PCYT1B: variants seen among roughly 807,000 people sequenced by gnomAD.
PCYT1B encodes the protein choline-phosphate cytidylyltransferase B.
A neutral mutation model predicts 26.4 loss-of-function variants in PCYT1B; 10 were observed. The observed-to-expected ratio is 0.38, with a 90% CI of 0.23 to 0.64. PCYT1B has a LOEUF of 0.64. Among genes scored for constraint, PCYT1B ranks in the 30% least tolerant of loss-of-function variants. The probability of loss-of-function intolerance (pLI) is 0.56; values close to 1 mark genes in which losing one functional copy is unlikely to be tolerated. For missense variants in PCYT1B, 161 were observed against 292.7 expected (o/e 0.55, Z 3.28); for synonymous variants, 131 against 108.4 (o/e 1.21, Z -1.29).
intron 1 of PCYT1B, among the ~76,000 whole-genome samples, chrX:24,639,301 C>A (rs1346579439): frequency 8.9e-6 from 1 of 112,336 alleles, no homozygotes; most frequent in Non-Finnish European, 1.9e-5. Flanking sequence ...TGCTTAAGTG[C>A]ACACAATAAT....
At chrX:24,596,007 T>C (rs1924766776) in intron 3 of PCYT1B, among the ~76,000 whole-genome samples, 1 of 112,468 alleles carries the variant, frequency 8.9e-6, no homozygotes, top group Admixed American at 9.4e-5. Flanking sequence ...GTAATCTTTA[T>C]GTCTTCTATA....
chrX:24,640,831 C>T lies in PCYT1B; in HGVS notation c.117+6158G>A, dbSNP rs1368684631. Among the ~76,000 whole-genome samples, 3 of 111,774 alleles carry T rather than the reference C, an allele frequency of 2.7e-5. No homozygotes were observed. The Admixed American group carries it at 2.9e-4, about 11-fold the overall frequency. ...CTAGACACCTCCAAGTGGAAGTCCC[C>T]ATGGCACCTCAGACATAACTCTCAC... is the stretch of plus-strand genomic sequence containing the variant. On this transcript the variant is annotated intron_variant, in intron 1 of 7. Transcript: ENST00000379144.
Position 24,560,003 on chromosome X carries a change from A to G in PCYT1B, c.*2290T>C, listed in dbSNP as rs1923347525. The G allele has an allele frequency of 8.9e-6, 1 of 112,067 alleles. No individual in the cohort carries two copies. The highest frequency in any genetic ancestry group is 3.7e-4 in the South Asian group (1 of 2,674). The allele number at this position is 112,067 out of a possible 1,213,427, so 9.2% of individuals were successfully genotyped here. ...GCATTAGTTATTTCCCATAATTGGCAGCAATGGTGACATTATCTGATGAGT... is the reference window on the plus strand; with the variant it reads ...GCATTAGTTATTTCCCATAATTGGCGGCAATGGTGACATTATCTGATGAGT... On this transcript the variant is annotated 3_prime_UTR_variant, in exon 8 of 8. Transcript: ENST00000379144.
intron 1 of PCYT1B, among the ~76,000 whole-genome samples, chrX:24,642,793 A>G (rs1463278012): frequency 8.9e-6 from 1 of 111,952 alleles, no homozygotes; most frequent in African/African-American, 3.2e-5. Context: ...GGCTAAGTAG[A>G]TGGCAATATT....
chrX:24,562,296 C>T lies in PCYT1B; in HGVS notation c.1107G>A (p.Lys369=), dbSNP rs1265634792. Residue 369 remains lysine, a synonymous_variant, in exon 8 of 8, where the codon AAG becomes AAA. Transcript: ENST00000379144. ...SSMSEGDEDE[K] Reference sequence around the variant, plus strand: ...GGCTCTTGCCTCCCAGCAGCCTCTACTTTTCATCCTCATCCCCCTCGCTCA... The same window carrying T: ...GGCTCTTGCCTCCCAGCAGCCTCTATTTTTCATCCTCATCCCCCTCGCTCA... 1.1e-5 allele frequency: 13 copies of T among 1,155,554 alleles called. No homozygotes were observed. The highest frequency in any genetic ancestry group is 4.2e-5 in the South Asian group (2 of 47,762).
chrX:24,581,621 T>A (rs1924208906), intron 5 of PCYT1B, among the ~76,000 whole-genome samples: 1 of 112,464 alleles, frequency 8.9e-6, no homozygotes, highest in Admixed American at 9.4e-5. Flanking sequence ...AAGATCTTTA[T>A]AAAATAACTT....
At chrX:24,618,929 T>A (rs1403143802) in intron 2 of PCYT1B, 56 bp downstream of exon 2, 15 of 826,643 alleles carry the variant, frequency 1.8e-5, no homozygotes, top group Non-Finnish European at 1.0e-5. Flanking sequence ...GGCCCCTTTC[T>A]GATACTTTAA....
chrX:24,638,538 A>T lies in PCYT1B; in HGVS notation c.117+8451T>A, dbSNP rs144368366. ...CTGTTACCTGGGAGATTATTGGAAG[A>T]AAATAGGCCTAGCTTGCAATGACTT... On this transcript the variant is annotated intron_variant, in intron 1 of 7. Transcript: ENST00000379144. Among the ~76,000 whole-genome samples the T allele has an allele frequency of 1.8e-3, 207 of 112,151 alleles. 1 individual carries two copies. The highest frequency in any genetic ancestry group is 6.5e-3 in the African/African-American group (202 of 30,943).
At chrX:24,624,631 A>C (rs1925830321) in intron 1 of PCYT1B, among the ~76,000 whole-genome samples, 2 of 111,774 alleles carry the variant, frequency 1.8e-5, no homozygotes, top group African/African-American at 6.5e-5. Context: ...AAAACAGTGG[A>C]GGTCAGGACA....
intron 1 of PCYT1B, among the ~76,000 whole-genome samples, chrX:24,622,252 T>C (rs1925723141): frequency 8.9e-6 from 1 of 112,104 alleles, no homozygotes; most frequent in South Asian, 3.8e-4. Context: ...AGCTCTGCAT[T>C]CAGGAAGACT....
chrX:24,593,891 T>C (rs960475668), intron 3 of PCYT1B, among the ~76,000 whole-genome samples: 3 of 110,569 alleles, frequency 2.7e-5, no homozygotes. Context: ...TGCATATAAA[T>C]ATATATATAT....
intron 1 of PCYT1B, among the ~76,000 whole-genome samples, chrX:24,667,458 T>C (rs1221321324): frequency 9.0e-6 from 1 of 111,483 alleles, no homozygotes; most frequent in Non-Finnish European, 1.9e-5. Flanking sequence ...GGCTTACACC[T>C]GTAATCCCGA....
At chrX:24,595,551 T>C (rs1924746731) in intron 3 of PCYT1B, among the ~76,000 whole-genome samples, 1 of 110,778 alleles carries the variant, frequency 9.0e-6, no homozygotes, top group Admixed American at 9.7e-5. Flanking sequence ...TGTGGACACT[T>C]GTTTGACTCT....
chrX:24,617,958 C>A (rs1237553573), intron 2 of PCYT1B, among the ~76,000 whole-genome samples: 4 of 111,721 alleles, frequency 3.6e-5, no homozygotes, highest in Non-Finnish European at 5.6e-5. Context: ...TGCTCCCTCC[C>A]GGAAGTCTTG....
chrX:24,577,771 C>T (rs192946465), intron 6 of PCYT1B, among the ~76,000 whole-genome samples: 2 of 111,516 alleles, frequency 1.8e-5, no homozygotes, highest in African/African-American at 3.3e-5. Flanking sequence ...TTTGAAAATA[C>T]AGCGTCTATT....
At chrX:24,640,175 C>T (rs1300934347) in intron 1 of PCYT1B, among the ~76,000 whole-genome samples, 1 of 111,732 alleles carries the variant, frequency 8.9e-6, no homozygotes, top group African/African-American at 3.3e-5. Flanking sequence ...TTCCCTACCA[C>T]CTATAGGCTC....
chrX:24,584,209 G>A (rs1924295875), intron 5 of PCYT1B, among the ~76,000 whole-genome samples: 1 of 111,036 alleles, frequency 9.0e-6, no homozygotes, highest in Non-Finnish European at 1.9e-5. Flanking sequence ...TGTGCCTGTA[G>A]TCCCAGCTAC....
At position 24,579,428 on chromosome X, in the gene PCYT1B, C is replaced by T. The variant is rs144206031; in HGVS notation, c.596G>A (p.Gly199Asp). 22 of 1,207,573 alleles carry T rather than the reference C, an allele frequency of 1.8e-5. No individual in the cohort carries two copies. The highest frequency in any genetic ancestry group is 2.2e-5 in the Non-Finnish European group (20 of 893,712). ...GGTAATGATGTCCGATGTTGAGATG[C>T]CTTCTGTTCTCTGCGTTGGAACGAA... ...GMFVPTQRTE[G>D]ISTSDIITRI... Residue 199 changes from glycine (G) to aspartate (D), a missense_variant, in exon 6 of 8, where the codon GGC becomes GAC. Physicochemically the swap from Gly to Asp is moderately conservative, Grantham distance 94 (BLOSUM62 -1). Coordinates refer to ENST00000379144, the MANE Select transcript of PCYT1B (RefSeq NM_004845.5).
At chrX:24,585,880 C>T (rs1331085998) in intron 5 of PCYT1B, among the ~76,000 whole-genome samples, 1 of 110,742 alleles carries the variant, frequency 9.0e-6, no homozygotes, top group South Asian at 3.9e-4. Flanking sequence ...ACACAAAAGA[C>T]CTGATCACGA....
Sources: allele counts gnomAD v4.1 joint callset (sites outside exome capture counted in the v4.1 genomes callset), GRCh38; gene constraint gnomAD v4.1.1; transcripts MANE v1.5; gene names NCBI Gene and HGNC (gene_info 2026-07-23, HGNC 2026-07-21).